GRAMD1B: variants seen among roughly 807,000 people sequenced by gnomAD.
The protein encoded by GRAMD1B is protein Aster-B.
In GRAMD1B, 37 loss-of-function variants were observed where a neutral mutation model predicts 99.7. The observed-to-expected ratio is 0.37, with a 90% CI of 0.29 to 0.49. The LOEUF (loss-of-function observed/expected upper bound fraction) is 0.49, where lower values mean the gene tolerates loss of function less well. GRAMD1B is among the 20% of genes least tolerant of loss of function. The pLI, the probability that GRAMD1B is intolerant of heterozygous loss-of-function variation, is 0.98. For missense variants in GRAMD1B, 888 were observed against 1,009.2 expected (o/e 0.88, Z 1.63); for synonymous variants, 427 against 387.6 (o/e 1.10, Z -1.19).
Position 123,382,059 on chromosome 11 carries a change from G to A in GRAMD1B, c.-176+23260G>A, listed in dbSNP as rs368209131. ...AACTACACATTAAAAGTGAAACTGA[G>A]GTGGTTTCATCTTCCCAGAATAAAT... is the stretch of plus-strand genomic sequence containing the variant. On this transcript the variant is annotated intron_variant, in intron 1 of 20. Transcript: ENST00000638157. 2.1e-4 allele frequency among the ~76,000 whole-genome samples: 32 copies of A among 152,242 alleles called. No individual in the cohort carries two copies. The South Asian group carries it at 2.5e-3, about 12-fold the overall frequency.
At chr11:123,365,801 T>C (rs1591356964) in intron 1 of GRAMD1B, among the ~76,000 whole-genome samples, 1 of 152,238 alleles carries the variant, frequency 6.6e-6, no homozygotes, top group East Asian at 1.9e-4. Context: ...CCAAGTTTTC[T>C]TGTGATCTAA....
intron 4 of GRAMD1B, among the ~76,000 whole-genome samples, chr11:123,593,259 AAAC>A (rs1260608349): frequency 2.0e-5 from 3 of 150,800 alleles, no homozygotes; most frequent in Admixed American, 6.6e-5. Flanking sequence ...ACAAACAAAC[AAAC>A]AAGATTGTAA....
chr11:123,445,806 G>A (rs1157891356), intron 1 of GRAMD1B, among the ~76,000 whole-genome samples: 9 of 107,664 alleles, frequency 8.4e-5, no homozygotes, highest in African/African-American at 3.1e-4. Context: ...GGAACAGAGT[G>A]ACACTTGTCT....
At chr11:123,603,131 G>A (rs1952199015) in intron 8 of GRAMD1B, among the ~76,000 whole-genome samples, 1 of 152,198 alleles carries the variant, frequency 6.6e-6, no homozygotes, top group Admixed American at 6.5e-5. Flanking sequence ...AAGAGCAAAA[G>A]GTGAGACAGT....
intron 2 of GRAMD1B, among the ~76,000 whole-genome samples, chr11:123,530,122 A>G (rs192210403): frequency 4.6e-5 from 7 of 152,038 alleles, no homozygotes; most frequent in African/African-American, 1.7e-4. Flanking sequence ...CAGTCTTGCT[A>G]CTTTCACACT....
rs1480222389 is a variant in GRAMD1B, at chr11:123,445,707, C to T, written c.374+14541C>T. 2.0e-5 allele frequency among the ~76,000 whole-genome samples: 3 copies of T among 150,732 alleles called. No individual in the cohort carries two copies. In the East Asian group the frequency reaches 5.9e-4, roughly 29 times the overall value. Reference sequence around the variant, plus strand: ...TGGCACGCGCCTGTAGTCTCAGCTACTCGGGAGGCTGAGGTGGATTTGAAT... The same window carrying T: ...TGGCACGCGCCTGTAGTCTCAGCTATTCGGGAGGCTGAGGTGGATTTGAAT... On this transcript the variant is annotated intron_variant, in intron 1 of 19. Transcript: ENST00000635736.
At chr11:123,414,821 A>G (rs1948171855) in intron 1 of GRAMD1B, among the ~76,000 whole-genome samples, 1 of 152,220 alleles carries the variant, frequency 6.6e-6, no homozygotes, top group African/African-American at 2.4e-5. Context: ...TGAGATAATG[A>G]GCAAATCTCT....
intron 2 of GRAMD1B, among the ~76,000 whole-genome samples, chr11:123,496,673 T>C (rs1939321426): frequency 6.6e-6 from 1 of 151,694 alleles, no homozygotes; most frequent in East Asian, 1.9e-4. Flanking sequence ...ATTTTCATAT[T>C]TCATATAGTC....
At chr11:123,446,908 GAAAGAAAGAAAAGA>G (rs1010450890) in intron 1 of GRAMD1B, among the ~76,000 whole-genome samples, 14 of 151,414 alleles carry the variant, frequency 9.2e-5, no homozygotes, top group Non-Finnish European at 1.8e-4. Context: ...TGTCTCGGAA[GAAAGAAAGAAAAGA>G]AAAGAAAGGA....
chr11:123,486,259 G>A (rs1334341171), intron 2 of GRAMD1B, among the ~76,000 whole-genome samples: 1 of 152,148 alleles, frequency 6.6e-6, no homozygotes, highest in Non-Finnish European at 1.5e-5. Flanking sequence ...TGACAAAGCA[G>A]AGACAAAGCC....
chr11:123,594,898 C>T, intron 6 of GRAMD1B, 60 bp downstream of exon 6: 1 of 863,452 alleles, frequency 1.2e-6, no homozygotes. Flanking sequence ...GCAAGCTGCC[C>T]TCGCTTTCTT....
rs75523759 is a variant in GRAMD1B at position 123,399,162 on chromosome 11, T to C, written c.-176+40363T>C. 6.4e-3 allele frequency among the ~76,000 whole-genome samples: 969 copies of C among 152,314 alleles called. 15 individuals are homozygous for C. The highest frequency in any genetic ancestry group is 0.022 in the African/African-American group (931 of 41,572). On this transcript the variant is annotated intron_variant, in intron 1 of 20. Coordinates refer to the GRAMD1B transcript ENST00000638157. ...ACGACTTTGACTTTTTTAGATTCCA[T>C]ATATAAGTGAGATCACGCATTATTT...
At chr11:123,544,553 C>G (rs1029055448) in intron 2 of GRAMD1B, among the ~76,000 whole-genome samples, 1 of 152,208 alleles carries the variant, frequency 6.6e-6, no homozygotes, top group Non-Finnish European at 1.5e-5. Flanking sequence ...CTGTAGGTGG[C>G]TTTCCAACCT....
chr11:123,560,309 G>T (rs1946596562), intron 2 of GRAMD1B: 4 of 1,147,378 alleles, frequency 3.5e-6, no homozygotes. Flanking sequence ...GAGAGAGAAA[G>T]GGAGCCAGGC....
At chr11:123,585,737 C>G (rs1414779693) in intron 4 of GRAMD1B, among the ~76,000 whole-genome samples, 1 of 152,210 alleles carries the variant, frequency 6.6e-6, no homozygotes, top group Non-Finnish European at 1.5e-5. Flanking sequence ...TTTTAAGCAG[C>G]ATCGCACAAA....
intron 1 of GRAMD1B, among the ~76,000 whole-genome samples, chr11:123,411,036 G>T (rs1407375415): frequency 6.6e-6 from 1 of 150,590 alleles, no homozygotes. Context: ...ACGGAGTCTT[G>T]CTCTGTCACC....
intron 17 of GRAMD1B, chr11:123,618,252 C>G: frequency 1.9e-6 from 2 of 1,025,796 alleles, no homozygotes; most frequent in Non-Finnish European, 3.1e-6. Flanking sequence ...TCACTCACTC[C>G]CAGGTTGATT....
intron 4 of GRAMD1B, among the ~76,000 whole-genome samples, chr11:123,590,878 A>G (rs1950574688): frequency 6.6e-6 from 1 of 152,120 alleles, no homozygotes; most frequent in African/African-American, 2.4e-5. Flanking sequence ...ACCAACGATG[A>G]GTCACTCTGC....
intron 1 of GRAMD1B, among the ~76,000 whole-genome samples, chr11:123,362,555 G>A (rs1051269061): frequency 6.6e-6 from 1 of 152,106 alleles, no homozygotes; most frequent in Admixed American, 6.5e-5. Context: ...AATAAAAATT[G>A]ATTTATACAA....
Sources: gnomAD v4.1 joint callset for allele counts (sites outside exome capture counted in the v4.1 genomes callset) on GRCh38, gnomAD v4.1.1 for gene constraint, MANE v1.5 for transcripts, NCBI Gene and HGNC (gene_info 2026-07-23, HGNC 2026-07-21) for gene names.